The following PCDHA6 variants were observed in gnomAD, a reference collection of about 807,000 sequenced individuals.
PCDHA6 encodes protocadherin alpha 6.
In PCDHA6, 55 loss-of-function variants were observed where a neutral mutation model predicts 60.3. That is an observed-to-expected ratio of 0.91 (90% CI 0.73 to 1.14). PCDHA6 has a LOEUF of 1.14. Among genes scored for constraint, PCDHA6 ranks in the 50% most tolerant of loss-of-function variants. The pLI is 0.00. For missense variants in PCDHA6, 1,327 were observed against 1,256.5 expected, an observed-to-expected ratio of 1.06 and a Z score of -0.85; for synonymous variants, 652 against 557.9, an observed-to-expected ratio of 1.17 and a Z score of -2.38.
chr5:140,941,175 C>T (rs1344326389), intron 1 of PCDHA6, among the ~76,000 whole-genome samples: 1 of 145,416 alleles, frequency 6.9e-6, no homozygotes, highest in Admixed American at 6.8e-5. Context: ...CCATCTTGAA[C>T]ATCCTGCTTC....
chr5:140,836,243 C>T (rs1774314325), intron 1 of PCDHA6: 1 of 1,613,760 alleles, frequency 6.2e-7, no homozygotes, highest in African/African-American at 1.3e-5. Context: ...GTGCGAGCAT[C>T]CCGTTCCGCG....
chr5:140,836,948 A>G (rs1050611194), intron 1 of PCDHA6: 2 of 442,648 alleles, frequency 4.5e-6, no homozygotes, highest in Non-Finnish European at 7.8e-6. Flanking sequence ...ATCAAAATCT[A>G]TGGTTTATGT....
intron 1 of PCDHA6, among the ~76,000 whole-genome samples, chr5:140,917,740 C>T (rs1257665291): frequency 6.6e-6 from 1 of 152,090 alleles, no homozygotes; most frequent in Non-Finnish European, 1.5e-5. Context: ...TCTAACCTGT[C>T]CCATTGGTCT....
chr5:140,837,119 A>G (rs1472811224), intron 1 of PCDHA6: 1 of 156,890 alleles, frequency 6.4e-6, no homozygotes, highest in Non-Finnish European at 1.4e-5. Flanking sequence ...ATGTTACCTA[A>G]TATTTTATTC....
intron 1 of PCDHA6, chr5:140,883,898 C>A (rs781898009): frequency 6.2e-7 from 1 of 1,613,344 alleles, no homozygotes; most frequent in South Asian, 1.1e-5. Flanking sequence ...TGGCGTGCCG[C>A]CTCTGGGCAG....
chr5:140,959,449 A>G (rs2095488988), intron 1 of PCDHA6, among the ~76,000 whole-genome samples: 1 of 152,196 alleles, frequency 6.6e-6, no homozygotes, highest in South Asian at 2.1e-4. Context: ...TTTTGTGCTG[A>G]AAAGCTGAAG....
At chr5:140,851,288 A>C in intron 1 of PCDHA6, 1 of 1,036,248 alleles carries the variant, frequency 9.7e-7, no homozygotes, top group Non-Finnish European at 1.2e-6. Context: ...TAAGAAACCC[A>C]AGCAAAAATA....
intron 1 of PCDHA6, chr5:140,855,857 C>T: frequency 1.4e-6 from 1 of 710,772 alleles, no homozygotes; most frequent in Non-Finnish European, 2.3e-6. Context: ...CACCGGATGT[C>T]GCTGTCGTCC....
At chr5:140,874,935 G>T (rs2055180248) in intron 1 of PCDHA6, among the ~76,000 whole-genome samples, 1 of 152,168 alleles carries the variant, frequency 6.6e-6, no homozygotes, top group South Asian at 2.1e-4. Context: ...AAAAGTTATT[G>T]AAACAGCGGA....
intron 1 of PCDHA6, chr5:140,843,383 G>A (rs1778840554): frequency 6.3e-7 from 1 of 1,596,120 alleles, no homozygotes; most frequent in South Asian, 1.1e-5. Context: ...TGGCGTTTTG[G>A]GTCCGGAAGC....
In PCDHA6 at chr5:140,850,172, C is replaced by A. The variant is rs2150470572; in HGVS notation, c.2394+19687C>A. 55 of 1,594,266 alleles carry A rather than the reference C, an allele frequency of 3.4e-5. 7 individuals are homozygous for A. Among genetic ancestry groups the A allele is most frequent in the Non-Finnish European group, 4.5e-5 (52 of 1,167,736 alleles). ...TGCAGGTGTTCGTGCTGGACGAGAA[C>A]GACAATGCGCCGGCGCTGCTGACAC... is the stretch of plus-strand genomic sequence containing the variant. On this transcript the variant is annotated intron_variant, in intron 1 of 3. Transcript: ENST00000529310.
chr5:140,900,080 A>G (rs62384484), intron 1 of PCDHA6, among the ~76,000 whole-genome samples: 49,691 of 152,040 alleles, frequency 0.33, 8,391 homozygotes, highest in East Asian at 0.53. Flanking sequence ...AAAGTGCTGC[A>G]GTTACAAGCA....
At chr5:140,867,903 A>C (rs1010800579) in intron 1 of PCDHA6, 1 of 152,144 alleles carries the variant, frequency 6.6e-6, no homozygotes, top group Non-Finnish European at 1.5e-5. Flanking sequence ...TACTTACAGA[A>C]GGTATAATTA....
intron 1 of PCDHA6, among the ~76,000 whole-genome samples, chr5:140,940,904 GT>G (rs1437754574): frequency 6.6e-6 from 1 of 152,188 alleles, no homozygotes; most frequent in Non-Finnish European, 1.5e-5. Context: ...TTTAAATCAA[GT>G]TCAAGACTTG....
At chr5:140,842,429 G>A (rs2150335893) in intron 1 of PCDHA6, 3 of 1,613,436 alleles carry the variant, frequency 1.9e-6, no homozygotes, top group Non-Finnish European at 1.7e-6. Flanking sequence ...TACTGTCATC[G>A]CCCTAATTAG....
chr5:140,988,075 A>G (rs139957067), intron 3 of PCDHA6, among the ~76,000 whole-genome samples: 4 of 152,258 alleles, frequency 2.6e-5, no homozygotes, highest in Non-Finnish European at 4.4e-5. Flanking sequence ...TTTCTATTTC[A>G]TGAGTGAGTG....
At chr5:140,883,773 G>T (rs1362933627) in intron 1 of PCDHA6, 4 of 1,612,256 alleles carry the variant, frequency 2.5e-6, no homozygotes, top group Admixed American at 1.7e-5. Flanking sequence ...GTGGGCGAGC[G>T]TGCGCTGTCG....
intron 1 of PCDHA6, chr5:140,877,285 G>C: frequency 1.2e-6 from 2 of 1,613,898 alleles, no homozygotes; most frequent in Non-Finnish European, 1.7e-6. Context: ...CGGCTATAAC[G>C]CTTGGCTGTC....
rs1340141507 is a variant in PCDHA6, at chr5:140,939,833, CTTG to C, written c.2395-39108_2395-39106del. 2.6e-5 allele frequency among the ~76,000 whole-genome samples: 4 copies of C among 152,224 alleles called. No individual in the cohort carries two copies. The East Asian group carries it at 7.7e-4, about 29-fold the overall frequency. ...AAGAAAAAGCAGTATTCTGACATTG[CTTG>C]TTGTTGTGTTCTGTATATGTCCATT... On this transcript the variant is annotated intron_variant, in intron 1 of 3. Transcript: ENST00000529310.
Sources: allele counts gnomAD v4.1 joint callset (sites outside exome capture counted in the v4.1 genomes callset), GRCh38; gene constraint gnomAD v4.1.1; transcripts MANE v1.5; gene names NCBI Gene and HGNC (gene_info 2026-07-23, HGNC 2026-07-21).